The following GGA3 variants were observed in gnomAD, a reference collection of about 807,000 sequenced individuals.
GGA3 encodes the protein ADP-ribosylation factor-binding protein GGA3.
A neutral mutation model predicts 77.5 loss-of-function variants in GGA3; 57 were observed. The ratio of observed to expected loss-of-function variants is 0.74; its 90% CI spans 0.59 to 0.92. The LOEUF is 0.92. Ranked by LOEUF, GGA3 falls within the 40% of genes least tolerant of loss-of-function variation. GGA3 has a pLI of 0.00. For synonymous variants in GGA3, 416 were observed against 383.7 expected (o/e 1.08, Z -0.98); for missense variants, 970 against 914.9 (o/e 1.06, Z -0.78).
intron 1 of GGA3, among the ~76,000 whole-genome samples, chr17:75,253,016 G>A (rs1198068338): frequency 6.6e-6 from 1 of 152,208 alleles, no homozygotes; most frequent in African/African-American, 2.4e-5. Context: ...CTCACACAAA[G>A]CCTGTTTGGT....
At chr17:75,256,869 G>A (rs1418004604) in intron 1 of GGA3, among the ~76,000 whole-genome samples, 1 of 152,088 alleles carries the variant, frequency 6.6e-6, no homozygotes, top group African/African-American at 2.4e-5. Context: ...GGTAAGTAGA[G>A]GCCTTTCCTA....
intron 14 of GGA3, 48 bp from the exon 15 acceptor site, chr17:75,239,131 C>G: frequency 1.9e-6 from 3 of 1,553,418 alleles, no homozygotes; most frequent in Non-Finnish European, 2.6e-6. Context: ...CAGAGACACC[C>G]AACAGAGCCC....
Position 75,239,558 on chromosome 17 carries a change from C to A in GGA3, c.1597G>T (p.Val533Leu). ...ATGAGAGGGGAGGTAGTGGGTTTCA[C>A]CAAGCCCGAGGTCCTGGGAGGTGGG... ...LEEAKVTSGL[V>L]KPTTSPLIPT... The change falls in exon 14 of 17, where the codon GTG (valine) becomes TTG (leucine). Residue 533 changes from valine to leucine, a missense_variant. By Grantham distance (32) the Val-to-Leu change is conservative. Coordinates refer to ENST00000537686, the MANE Select transcript of GGA3 (RefSeq NM_138619.4). 2.6e-6 allele frequency: 4 copies of A among 1,557,310 alleles called. No individual in the cohort carries two copies. The highest frequency in any genetic ancestry group is 3.5e-6 in the Non-Finnish European group (4 of 1,150,586).
chr17:75,259,844 C>T (rs1039453238), intron 1 of GGA3, among the ~76,000 whole-genome samples: 4 of 152,290 alleles, frequency 2.6e-5, no homozygotes, highest in African/African-American at 7.2e-5. Context: ...AAGTGTGTCC[C>T]TCTCATTTCA....
rs114561050 is a variant in GGA3 at position 75,244,468 on chromosome 17, C to T, written c.300+151G>A. ...GTCCCTGTGGCCTGTTTGGTCATCC[C>T]GTTACCTCCAGGGCCTAGCTCTCTA... On this transcript the variant is annotated intron_variant, in intron 4 of 16. Transcript: ENST00000537686. The T allele has an allele frequency of 4.5e-3, 2,972 of 661,406 alleles. 63 individuals are homozygous for T. In the African/African-American group the frequency reaches 0.047, roughly 10 times the overall value. 41.0% of individuals were successfully genotyped at this position (661,406 alleles called of 1,614,324 possible). A position where few individuals can be genotyped will look rare whatever the true frequency, so the allele number is the denominator to read the frequency against.
In GGA3 at chr17:75,241,604, C is replaced by G. The variant is rs922394350; in HGVS notation, c.829+11G>C. On this transcript the variant is annotated intron_variant, in intron 9 of 16. Transcript: ENST00000537686. ...GCCTGGCTTATCCCTGACCGTCGCT[C>G]TTTCACTCACCCAAACTGTTATCAT... 6.2e-7 allele frequency: 1 copy of G among 1,613,556 alleles called. No individual in the cohort carries two copies. Among genetic ancestry groups the G allele is most frequent in the Non-Finnish European group, 8.5e-7 (1 of 1,179,450 alleles).
intron 5 of GGA3, 36 bp from the exon 6 acceptor site, chr17:75,243,202 G>A (rs750207389): frequency 6.8e-7 from 1 of 1,479,094 alleles, no homozygotes; most frequent in South Asian, 1.2e-5. Flanking sequence ...CACTCAGGCT[G>A]TGGTTGCCTT....
chr17:75,260,519 A>C (rs1448558940), intron 1 of GGA3, among the ~76,000 whole-genome samples: 2 of 152,200 alleles, frequency 1.3e-5, no homozygotes, highest in Middle Eastern at 3.2e-3. Flanking sequence ...GCTCCCCTTT[A>C]AACTGAAGCT....
chr17:75,240,602 G>A (rs759887419), intron 11 of GGA3, 190 bp from the exon 12 acceptor site: 2 of 672,082 alleles, frequency 3.0e-6, no homozygotes, highest in Non-Finnish European at 5.0e-6. Context: ...GGGGGCCTGT[G>A]GGGCGGGGTG....
chr17:75,261,872 T>C, upstream of GGA3: 1 of 1,603,176 alleles, frequency 6.2e-7, no homozygotes, highest in Non-Finnish European at 8.5e-7. Context: ...CCGAGGGCAG[T>C]CCTTGTGGGG....
At position 75,238,210 on chromosome 17, in the gene GGA3, G is replaced by C. The variant is rs140277054; in HGVS notation, c.*69C>G. ...GTTGTCAGGGCATGGAGAGTGACGG[G>C]ACCAGAGCCCTCCTCGTCTCAGGGC... On this transcript the variant is annotated 3_prime_UTR_variant, in exon 17 of 17. Coordinates refer to ENST00000537686, the MANE Select transcript of GGA3 (RefSeq NM_138619.4). The C allele has an allele frequency of 5.4e-3, 8,555 of 1,580,070 alleles. 53 individuals are homozygous for C. The highest frequency in any genetic ancestry group is 6.4e-3 in the South Asian group (552 of 86,230).
chr17:75,239,046 G>A lies in GGA3; in HGVS notation c.1818C>T (p.Gly606=). 6.2e-7 allele frequency: 1 copy of A among 1,613,890 alleles called. No homozygotes were observed. The highest frequency in any genetic ancestry group is 8.5e-7 in the Non-Finnish European group (1 of 1,180,006). ...TGGCAAAGTGGAAGAGGATGCGGAAGCCGTTTTTATCGTAGGCTGTCACAG... is the reference window on the plus strand; with the variant it reads ...TGGCAAAGTGGAAGAGGATGCGGAAACCGTTTTTATCGTAGGCTGTCACAG... ...ALPVTAYDKN[G]FRILFHFAKE... is the part of the protein sequence containing the mutation. The change falls in exon 15 of 17, where the codon GGC becomes GGT. Residue 606 remains glycine (G), a synonymous_variant. Coordinates refer to ENST00000537686, the MANE Select transcript of GGA3 (RefSeq NM_138619.4).
intron 16 of GGA3, 63 bp downstream of exon 16, chr17:75,238,589 T>C: frequency 8.3e-7 from 1 of 1,207,752 alleles, no homozygotes; most frequent in African/African-American, 1.5e-5. Context: ...GTGGTGGGCC[T>C]GACGTCCTAA....
In GGA3 at chr17:75,239,073, A is replaced by C. The variant is rs1185846146; in HGVS notation, c.1791T>G (p.Leu597=). 1.9e-6 allele frequency: 3 copies of C among 1,612,942 alleles called. No homozygotes were observed. Among genetic ancestry groups the C allele is most frequent in the Non-Finnish European group, 2.5e-6 (3 of 1,179,720 alleles). Reference sequence around the variant, plus strand: ...CGTTTTTATCGTAGGCTGTCACAGGAAGGGCACTGCCTGTAAGAACGTGAC... The same window carrying C: ...CGTTTTTATCGTAGGCTGTCACAGGCAGGGCACTGCCTGTAAGAACGTGAC... ...PLESIKPSSA[L]PVTAYDKNGF... The change falls in exon 15 of 17, where the codon CTT becomes CTG. Residue 597 remains leucine (L), a synonymous_variant. Coordinates refer to ENST00000537686, the MANE Select transcript of GGA3 (RefSeq NM_138619.4).
chr17:75,253,534 C>T (rs186539189), intron 1 of GGA3, among the ~76,000 whole-genome samples: 3 of 152,126 alleles, frequency 2.0e-5, no homozygotes, highest in Non-Finnish European at 4.4e-5. Flanking sequence ...AGTACCACAA[C>T]CCCTTCTCTC....
At position 75,244,071 on chromosome 17, in the gene GGA3, T is replaced by A. The variant is rs73998423; in HGVS notation, c.301-501A>T. Among the ~76,000 whole-genome samples the A allele has an allele frequency of 3.9e-3, 597 of 152,156 alleles. 7 individuals carry two copies. Among genetic ancestry groups the A allele is most frequent in the African/African-American group, 0.013 (551 of 41,480 alleles). ...CCATGTGGTGCAGGCCATGGTTGGG[T>A]GGATATTTTGAGTTCTGAGGAAAGT... On this transcript the variant is annotated intron_variant, in intron 4 of 16. Coordinates refer to ENST00000537686, the MANE Select transcript of GGA3 (RefSeq NM_138619.4).
At position 75,238,042 on chromosome 17, in the gene GGA3, CT is replaced by C; in HGVS notation, c.*236del. ...TGAAGTCAGGGGCCACTCCGCACCC[CT>C]GACAGCATATGGCCACTTCAAGTCA... On this transcript the variant is annotated 3_prime_UTR_variant, in exon 17 of 17. Coordinates refer to ENST00000537686, the MANE Select transcript of GGA3 (RefSeq NM_138619.4). 7.5e-7 allele frequency: 1 copy of C among 1,335,480 alleles called. No individual in the cohort carries two copies. The highest frequency in any genetic ancestry group is 2.8e-4 in the Middle Eastern group (1 of 3,538). 82.7% of individuals were successfully genotyped at this position (1,335,480 alleles called of 1,614,324 possible). A position where few individuals can be genotyped will look rare whatever the true frequency, so the allele number is the denominator to read the frequency against.
rs1288656525 is a variant in GGA3 at position 75,261,592 on chromosome 17, C to T, written c.-5G>A. On this transcript the variant is annotated 5_prime_UTR_variant, in exon 1 of 17. Transcript: ENST00000537686. ...TTCCCCTTCCGCCTCCGCCATATTG[C>T]AGCCGCCCGGCCCCGCGGCTTCAAA... is the stretch of plus-strand genomic sequence containing the variant. 3 of 1,546,742 alleles carry T rather than the reference C, an allele frequency of 1.9e-6. No individual in the cohort carries two copies. The highest frequency in any genetic ancestry group is 1.7e-6 in the Non-Finnish European group (2 of 1,148,220).
Position 75,242,856 on chromosome 17 carries a change from T to C in GGA3, c.584A>G (p.Lys195Arg), listed in dbSNP as rs747065681. The C allele has an allele frequency of 1.2e-6, 2 of 1,614,004 alleles. No homozygotes were observed. The highest frequency in any genetic ancestry group is 1.1e-5 in the South Asian group (1 of 91,086). Reference protein sequence around the residue: ...KNPDDLQEANKLIKSMVKEDE... With the variant: ...KNPDDLQEANRLIKSMVKEDE... ...TTCCTTCACCATGGACTTGATGAGC[T>C]TGTTGGCCTCCTGCAGGTCATCTGG... The change falls in exon 7 of 17, where the codon AAG becomes AGG. Residue 195 changes from lysine (K) to arginine (R), a missense_variant. Coordinates refer to ENST00000537686, the MANE Select transcript of GGA3 (RefSeq NM_138619.4).
Sources: allele counts gnomAD v4.1 joint callset (sites outside exome capture counted in the v4.1 genomes callset), GRCh38; gene constraint gnomAD v4.1.1; transcripts MANE v1.5; gene names NCBI Gene and HGNC (gene_info 2026-07-23, HGNC 2026-07-21).